The following TFEC variants were observed in gnomAD, a reference collection of about 807,000 sequenced individuals.
TFEC encodes class E basic helix-loop-helix protein 34.
A neutral mutation model predicts 41.6 loss-of-function variants in TFEC; 31 were observed. The observed-to-expected ratio is 0.74, with a 90% CI of 0.56 to 1.01. The LOEUF (loss-of-function observed/expected upper bound fraction) is 1.01. Among genes scored for constraint, TFEC ranks in the 50% least tolerant of loss-of-function variants. TFEC has a pLI of 0.00. For synonymous variants in TFEC, 143 were observed against 140.6 expected, an observed-to-expected ratio of 1.02 and a Z score of -0.12; for missense variants, 402 against 404.1, an observed-to-expected ratio of 0.99 and a Z score of 0.04.
chr7:116,084,495 C>G lies in TFEC; in HGVS notation c.198+26213G>C, dbSNP rs1457519464. On this transcript the variant is annotated intron_variant, in intron 3 of 8. Transcript: ENST00000484212. The stretch of plus-strand genomic sequence containing the variant: ...TCGTTCTAATAAAAATGACTTTTTC[C>G]ACATTTGTTAGCCAAGATCTGAACA... Among the ~76,000 whole-genome samples the G allele has an allele frequency of 4.0e-5, 6 of 151,710 alleles. No individual in the cohort carries two copies. The Admixed American group carries it at 4.0e-4, about 10-fold the overall frequency.
chr7:116,013,381 A>C lies in TFEC; in HGVS notation c.-73+17252T>G, dbSNP rs144082756. On this transcript the variant is annotated intron_variant, in intron 1 of 7. Coordinates refer to ENST00000265440, the MANE Select transcript of TFEC (RefSeq NM_012252.4). Reference sequence around the variant, plus strand: ...ACAACAATGTTCTTTGGAATTAAAGAAGCACACTTTTGATTTAAATTATTT... The same window carrying C: ...ACAACAATGTTCTTTGGAATTAAAGCAGCACACTTTTGATTTAAATTATTT... 4.2e-3 allele frequency among the ~76,000 whole-genome samples: 633 copies of C among 152,256 alleles called. 4 individuals are homozygous for C. The highest frequency in any genetic ancestry group is 6.8e-3 in the Middle Eastern group (2 of 294).
intron 3 of TFEC, among the ~76,000 whole-genome samples, chr7:116,087,692 T>C (rs775146976): frequency 2.0e-5 from 3 of 152,012 alleles, no homozygotes; most frequent in Admixed American, 6.6e-5. Flanking sequence ...AGATGGAAGG[T>C]ATCTTTGAGA....
intron 1 of TFEC, among the ~76,000 whole-genome samples, chr7:116,020,111 G>A (rs1246717696): frequency 1.3e-5 from 2 of 152,096 alleles, no homozygotes; most frequent in South Asian, 2.1e-4. Flanking sequence ...ACTACATAAT[G>A]CCTGAGAAAG....
At chr7:116,083,024 G>A (rs929381989) in intron 3 of TFEC, among the ~76,000 whole-genome samples, 2 of 151,746 alleles carry the variant, frequency 1.3e-5, no homozygotes, top group Non-Finnish European at 2.9e-5. Context: ...TTTTAATAAA[G>A]ATAATGAAAT....
chr7:116,002,188 GA>G (rs1562926391), intron 1 of TFEC, among the ~76,000 whole-genome samples: 1 of 152,130 alleles, frequency 6.6e-6, no homozygotes, highest in African/African-American at 2.4e-5. Context: ...ATACCCAAAA[GA>G]AAGGAAATCA....
intron 1 of TFEC, among the ~76,000 whole-genome samples, chr7:116,159,103 TTTAC>T (rs1160313246): frequency 6.6e-6 from 1 of 151,828 alleles, no homozygotes; most frequent in Non-Finnish European, 1.5e-5. Flanking sequence ...AAATAACTCA[TTTAC>T]TTAAAGAGCT....
At chr7:116,096,969 A>G (rs1380241159) in intron 3 of TFEC, among the ~76,000 whole-genome samples, 1 of 152,084 alleles carries the variant, frequency 6.6e-6, no homozygotes, top group African/African-American at 2.4e-5. Flanking sequence ...GCATGCCTGT[A>G]ATCCCAGCTA....
chr7:116,038,019 A>C lies in TFEC; in HGVS notation c.199-53506T>G, dbSNP rs79940466. Among the ~76,000 whole-genome samples the C allele has an allele frequency of 9.0e-3, 1,363 of 152,114 alleles. 11 individuals are homozygous for C. The highest frequency in any genetic ancestry group is 0.013 in the Non-Finnish European group (893 of 67,902). ...TCATCAATATCTCACCAGTCAGCAG[A>C]AGTACATCTACTTATCATTGCTCTT... is the stretch of plus-strand genomic sequence containing the variant. On this transcript the variant is annotated intron_variant, in intron 3 of 8. Transcript: ENST00000484212.
chr7:115,961,528 G>T (rs557898190), intron 3 of TFEC, among the ~76,000 whole-genome samples: 3 of 150,862 alleles, frequency 2.0e-5, no homozygotes, highest in South Asian at 4.2e-4. Context: ...TAAATCCAAA[G>T]AAACTAGAAT....
upstream of TFEC, among the ~76,000 whole-genome samples, chr7:116,034,725 T>C (rs747632940): frequency 6.7e-6 from 1 of 149,474 alleles, no homozygotes; most frequent in Non-Finnish European, 1.5e-5. Flanking sequence ...GCAACCAGAG[T>C]GGTTCTCTTA....
At chr7:116,113,765 G>A (rs1797908818) in intron 1 of TFEC, among the ~76,000 whole-genome samples, 1 of 151,970 alleles carries the variant, frequency 6.6e-6, no homozygotes, top group South Asian at 2.1e-4. Flanking sequence ...AAAGACAGCT[G>A]ATTAATAATT....
At chr7:116,026,477 C>T (rs562001569) in intron 1 of TFEC, among the ~76,000 whole-genome samples, 93 of 152,242 alleles carry the variant, frequency 6.1e-4, no homozygotes, top group Non-Finnish European at 1.6e-4. Flanking sequence ...AACCTAGTAC[C>T]GCACCAGGTA....
At chr7:115,985,720 A>G (rs1446054420) in intron 1 of TFEC, among the ~76,000 whole-genome samples, 1 of 152,112 alleles carries the variant, frequency 6.6e-6, no homozygotes, top group Non-Finnish European at 1.5e-5. Flanking sequence ...CAGTCATATA[A>G]AAAAGATTAA....
At chr7:115,993,181 A>G (rs1399572412) in intron 1 of TFEC, among the ~76,000 whole-genome samples, 5 of 152,206 alleles carry the variant, frequency 3.3e-5, no homozygotes, top group Admixed American at 3.3e-4. Context: ...AACTCTCAAT[A>G]AACTAGGTAT....
chr7:115,962,620 A>G (rs1436570653), intron 3 of TFEC, among the ~76,000 whole-genome samples: 2 of 151,808 alleles, frequency 1.3e-5, no homozygotes, highest in African/African-American at 4.8e-5. Context: ...ATGGTGTTGG[A>G]AAAACTGGCT....
chr7:116,074,760 GGTATATATAGATAT>G (rs1477351280), intron 3 of TFEC, among the ~76,000 whole-genome samples: 1 of 151,506 alleles, frequency 6.6e-6, no homozygotes, highest in African/African-American at 2.4e-5. Flanking sequence ...ACATACATAG[GGTATATATAGATAT>G]GTCTCAAAAT....
chr7:115,998,594 A>G (rs1428257282), intron 1 of TFEC, among the ~76,000 whole-genome samples: 1 of 152,060 alleles, frequency 6.6e-6, no homozygotes, highest in African/African-American at 2.4e-5. Flanking sequence ...AACACACATT[A>G]GCTATAAAGA....
chr7:116,059,649 G>A (rs971428585), intron 3 of TFEC, among the ~76,000 whole-genome samples: 3 of 151,930 alleles, frequency 2.0e-5, no homozygotes, highest in African/African-American at 4.8e-5. Context: ...GGATTAGGTC[G>A]AGTGCATCCT....
intron 3 of TFEC, among the ~76,000 whole-genome samples, chr7:116,054,445 G>GAC (rs746724582): frequency 5.9e-5 from 9 of 151,654 alleles, no homozygotes; most frequent in Non-Finnish European, 1.0e-4. Flanking sequence ...AGAAGTGAGA[G>GAC]ACCAAAGTAC....
Sources: allele counts gnomAD v4.1 joint callset (sites outside exome capture counted in the v4.1 genomes callset), GRCh38; gene constraint gnomAD v4.1.1; transcripts MANE v1.5; gene names NCBI Gene and HGNC (gene_info 2026-07-23, HGNC 2026-07-21).